The following SH3RF3 variants were observed in gnomAD, a reference collection of about 807,000 sequenced individuals.
SH3RF3 encodes the protein E3 ubiquitin-protein ligase SH3RF3.
Under a neutral mutation model 66.3 loss-of-function variants are expected in SH3RF3, and 29 were observed. That is an observed-to-expected ratio of 0.44 (90% CI 0.33 to 0.60). The LOEUF is 0.60. SH3RF3 is among the 20% of genes least tolerant of loss of function. SH3RF3 has a pLI of 0.04. For missense variants in SH3RF3, 1,194 were observed against 1,190.9 expected (o/e 1.00, Z -0.04); for synonymous variants, 583 against 532.0 (o/e 1.10, Z -1.32).
At chr2:109,144,891 C>G (rs1677055684) in intron 1 of SH3RF3, among the ~76,000 whole-genome samples, 1 of 152,228 alleles carries the variant, frequency 6.6e-6, no homozygotes. Flanking sequence ...AGCTTTGTTC[C>G]CAGAGCTGGG....
intron 1 of SH3RF3, among the ~76,000 whole-genome samples, chr2:109,254,739 C>T (rs1680178220): frequency 6.6e-6 from 1 of 152,112 alleles, no homozygotes; most frequent in Non-Finnish European, 1.5e-5. Flanking sequence ...AGAGGAGCCT[C>T]TCATTGCCGG....
chr2:109,485,352 C>T (rs932620452), intron 8 of SH3RF3, among the ~76,000 whole-genome samples: 1 of 152,220 alleles, frequency 6.6e-6, no homozygotes, highest in Non-Finnish European at 1.5e-5. Flanking sequence ...ACTTGTATCT[C>T]TGTTTAATGT....
chr2:109,131,486 T>G (rs1289303736), intron 1 of SH3RF3, among the ~76,000 whole-genome samples: 5 of 152,224 alleles, frequency 3.3e-5, no homozygotes, highest in African/African-American at 1.2e-4. Flanking sequence ...CTTCTTCTGT[T>G]CTGATAAATT....
At chr2:109,373,773 A>G (rs1683324685) in intron 3 of SH3RF3, among the ~76,000 whole-genome samples, 2 of 152,134 alleles carry the variant, frequency 1.3e-5, no homozygotes, top group Admixed American at 6.5e-5. Flanking sequence ...TCTAACTGCA[A>G]TTTCAAAAGC....
intron 1 of SH3RF3, among the ~76,000 whole-genome samples, chr2:109,172,224 G>A (rs1011047707): frequency 1.9e-4 from 29 of 152,340 alleles, no homozygotes; most frequent in African/African-American, 6.7e-4. Context: ...CCAGGCCTCT[G>A]AGCACAGCGT....
intron 4 of SH3RF3, among the ~76,000 whole-genome samples, chr2:109,416,325 T>C: frequency 6.6e-6 from 1 of 151,962 alleles, no homozygotes; most frequent in Non-Finnish European, 1.5e-5. Flanking sequence ...CTGGGTGCAG[T>C]GGCTCATGCC....
chr2:109,334,718 C>T (rs1248709458), intron 1 of SH3RF3, among the ~76,000 whole-genome samples: 3 of 152,212 alleles, frequency 2.0e-5, no homozygotes, highest in Non-Finnish European at 4.4e-5. Context: ...CAATATGCCT[C>T]TTCAACTCAT....
chr2:109,170,291 TCTCTTCTCTTCTCTTCTC>T (rs1558938276), intron 1 of SH3RF3, among the ~76,000 whole-genome samples: 1 of 110,672 alleles, frequency 9.0e-6, no homozygotes, highest in African/African-American at 3.6e-5. Flanking sequence ...TCTCTTCTCT[TCTCTTCTCTTCTCTTCTC>T]TTCTCTCCTC....
chr2:109,223,284 C>T (rs549638385), intron 1 of SH3RF3, among the ~76,000 whole-genome samples: 16 of 152,298 alleles, frequency 1.1e-4, no homozygotes, highest in East Asian at 1.9e-4. Flanking sequence ...TCAGAGGCTG[C>T]GTGAGCACCA....
chr2:109,460,893 T>TC (rs1051301911), intron 8 of SH3RF3, among the ~76,000 whole-genome samples: 6 of 152,210 alleles, frequency 3.9e-5, no homozygotes, highest in Non-Finnish European at 8.8e-5. Flanking sequence ...TTCACTGCTG[T>TC]CCCTCAGGGA....
chr2:109,370,401 G>A (rs545054004), intron 2 of SH3RF3, among the ~76,000 whole-genome samples: 24 of 152,022 alleles, frequency 1.6e-4, no homozygotes, highest in African/African-American at 5.1e-4. Context: ...CACCATGCCC[G>A]GCTTATTTTT....
At chr2:109,285,686 G>A (rs1274165375) in intron 1 of SH3RF3, among the ~76,000 whole-genome samples, 2 of 152,194 alleles carry the variant, frequency 1.3e-5, no homozygotes, top group Non-Finnish European at 2.9e-5. Context: ...TTCACTTGGG[G>A]CTCATGAAAG....
intron 3 of SH3RF3, among the ~76,000 whole-genome samples, chr2:109,373,922 G>A (rs977105163): frequency 1.3e-5 from 2 of 152,102 alleles, no homozygotes; most frequent in Non-Finnish European, 2.9e-5. Context: ...GCAAGCAGGT[G>A]CAGGCCCGAG....
At chr2:109,375,646 G>A (rs1296830002) in intron 3 of SH3RF3, among the ~76,000 whole-genome samples, 4 of 152,268 alleles carry the variant, frequency 2.6e-5, no homozygotes, top group Non-Finnish European at 4.4e-5. Flanking sequence ...CCAGGGCAGA[G>A]TGAACTCACA....
chr2:109,176,101 C>G (rs1414218337), intron 1 of SH3RF3, among the ~76,000 whole-genome samples: 1 of 152,172 alleles, frequency 6.6e-6, no homozygotes, highest in Non-Finnish European at 1.5e-5. Flanking sequence ...CTCATTCTGT[C>G]CACCTGCATT....
chr2:109,365,578 G>A (rs1559044938), intron 2 of SH3RF3, among the ~76,000 whole-genome samples: 1 of 152,054 alleles, frequency 6.6e-6, no homozygotes, highest in Non-Finnish European at 1.5e-5. Flanking sequence ...ACTGGGAGCC[G>A]GACACCCCCC....
chr2:109,205,555 T>C (rs929788177), intron 1 of SH3RF3, among the ~76,000 whole-genome samples: 4 of 152,202 alleles, frequency 2.6e-5, no homozygotes, highest in African/African-American at 9.7e-5. Context: ...GCCCAACTTA[T>C]GTGACTCTTT....
intron 1 of SH3RF3, among the ~76,000 whole-genome samples, chr2:109,287,232 C>T (rs1020187864): frequency 6.6e-6 from 1 of 152,092 alleles, no homozygotes; most frequent in African/African-American, 2.4e-5. Flanking sequence ...TTTTTCTGCT[C>T]GGGTCTAGCG....
intron 8 of SH3RF3, among the ~76,000 whole-genome samples, chr2:109,454,535 C>T (rs1258748761): frequency 6.6e-6 from 1 of 152,220 alleles, no homozygotes; most frequent in African/African-American, 2.4e-5. Flanking sequence ...CCGCCGGCTG[C>T]CTGACTTCTG....
Sources: allele counts gnomAD v4.1 joint callset (sites outside exome capture counted in the v4.1 genomes callset), GRCh38; gene constraint gnomAD v4.1.1; transcripts MANE v1.5; gene names NCBI Gene and HGNC (gene_info 2026-07-23, HGNC 2026-07-21).